Variants in FHOD3 observed in about 807,000 individuals in gnomAD.
The protein encoded by FHOD3 is formin homology 2 domain containing 3.
Under a neutral mutation model 173.0 loss-of-function variants are expected in FHOD3, and 90 were observed. The ratio of observed to expected loss-of-function variants is 0.52; its 90% confidence interval spans 0.44 to 0.62. FHOD3 has a LOEUF of 0.62. Among genes scored for constraint, FHOD3 ranks in the 20% least tolerant of loss-of-function variants. The pLI, the probability that FHOD3 is intolerant of heterozygous loss-of-function variation, is 0.00. For synonymous variants in FHOD3, 828 were observed against 823.0 expected, an observed-to-expected ratio of 1.01 and a Z score of -0.10; for missense variants, 1,945 against 2,034.7, an observed-to-expected ratio of 0.96 and a Z score of 0.85.
At position 36,308,864 on chromosome 18, in the gene FHOD3, G is replaced by A. The variant is rs138198905; in HGVS notation, c.165+10864G>A. Among the ~76,000 whole-genome samples, 7 of 152,308 alleles carry A rather than the reference G, an allele frequency of 4.6e-5. No individual in the cohort carries two copies. In the East Asian group the frequency reaches 1.4e-3, roughly 29 times the overall value. ...GCAGCAATAGGAAAGTGTCTGTAGG[G>A]TGGAGCCTTAGCCTTCAGATCCCTA... is the stretch of plus-strand genomic sequence containing the variant. On this transcript the variant is annotated intron_variant, in intron 1 of 28. Transcript: ENST00000590592.
chr18:36,532,573 C>G (rs1315857939), intron 5 of FHOD3, among the ~76,000 whole-genome samples: 2 of 152,214 alleles, frequency 1.3e-5, no homozygotes, highest in Non-Finnish European at 2.9e-5. Context: ...CCTGTCTACT[C>G]TACTCTTGGC....
chr18:36,696,708 G>C (rs2039303865), intron 17 of FHOD3, among the ~76,000 whole-genome samples: 1 of 152,154 alleles, frequency 6.6e-6, no homozygotes, highest in African/African-American at 2.4e-5. Context: ...GGGCTTAGCA[G>C]ATGTATGTCC....
At chr18:36,670,224 T>C (rs9951987) in intron 14 of FHOD3, among the ~76,000 whole-genome samples, 29 of 152,160 alleles carry the variant, frequency 1.9e-4, no homozygotes, top group African/African-American at 6.8e-4. Flanking sequence ...AGTTTTTTCA[T>C]GTTTCTTACG....
intron 1 of FHOD3, among the ~76,000 whole-genome samples, chr18:36,306,955 T>C (rs77419336): frequency 1.6e-3 from 239 of 152,246 alleles, no homozygotes; most frequent in African/African-American, 5.5e-3. Flanking sequence ...GCCTTTCCTA[T>C]TTTTGAGCTT....
chr18:36,485,542 A>G (rs1311525333), intron 3 of FHOD3, among the ~76,000 whole-genome samples: 1 of 152,184 alleles, frequency 6.6e-6, no homozygotes, highest in East Asian at 1.9e-4. Flanking sequence ...TTCTCTGTGA[A>G]CTGACTCAGA....
intron 1 of FHOD3, among the ~76,000 whole-genome samples, chr18:36,307,188 T>G (rs1029960238): frequency 6.6e-6 from 1 of 152,006 alleles, no homozygotes; most frequent in African/African-American, 2.4e-5. Context: ...GGTCTCGAAT[T>G]CCTGACCTCG....
rs1238822359 is a variant in FHOD3 at position 36,297,783 on chromosome 18, G to T, written c.-53G>T. 1 of 1,440,398 alleles carries T rather than the reference G, an allele frequency of 6.9e-7. No homozygotes were observed. The highest frequency in any genetic ancestry group is 9.2e-7 in the Non-Finnish European group (1 of 1,089,548). 89.2% of individuals were successfully genotyped at this position (1,440,398 alleles called of 1,614,324 possible). A position where few individuals can be genotyped will look rare whatever the true frequency, so the allele number is the denominator to read the frequency against. On this transcript the variant is annotated 5_prime_UTR_variant, in exon 1 of 29. Transcript: ENST00000590592. Reference sequence around the variant, plus strand: ...CTGCGCGCAGCTACCCGGGCGTCCCGGCCCGCGGCCCCGCTAACCCCGGGG... The same window carrying T: ...CTGCGCGCAGCTACCCGGGCGTCCCTGCCCGCGGCCCCGCTAACCCCGGGG...
chr18:36,438,696 C>A (rs1171780190), intron 3 of FHOD3, among the ~76,000 whole-genome samples: 2 of 152,216 alleles, frequency 1.3e-5, no homozygotes, highest in Non-Finnish European at 2.9e-5. Context: ...TGTCTGCTGC[C>A]CCAGTGCTCT....
intron 4 of FHOD3, among the ~76,000 whole-genome samples, chr18:36,502,553 G>T (rs545508558): frequency 6.6e-6 from 1 of 152,258 alleles, no homozygotes; most frequent in East Asian, 1.9e-4. Context: ...CTTCATCCAT[G>T]TCCCTGCAAA....
At chr18:36,694,227 T>C (rs967586813) in intron 17 of FHOD3, among the ~76,000 whole-genome samples, 1 of 152,250 alleles carries the variant, frequency 6.6e-6, no homozygotes, top group Non-Finnish European at 1.5e-5. Context: ...ACTTAGCCAA[T>C]TGAAGACAGC....
intron 19 of FHOD3, among the ~76,000 whole-genome samples, chr18:36,729,087 C>G (rs61589238): frequency 0.015 from 2,237 of 152,328 alleles, 51 homozygotes; most frequent in African/African-American, 0.051. Context: ...CCCTGAGCCC[C>G]TCCACCACCA....
intron 4 of FHOD3, among the ~76,000 whole-genome samples, chr18:36,503,046 A>C (rs374226026): frequency 2.0e-5 from 3 of 152,216 alleles, no homozygotes; most frequent in Admixed American, 6.5e-5. Context: ...TATTGTGGCT[A>C]TGCCCCCTTG....
At chr18:36,489,832 A>G (rs2054375960) in intron 3 of FHOD3, among the ~76,000 whole-genome samples, 1 of 152,210 alleles carries the variant, frequency 6.6e-6, no homozygotes, top group African/African-American at 2.4e-5. Context: ...ATCCCTAATT[A>G]TGGGAAAAGA....
intron 5 of FHOD3, among the ~76,000 whole-genome samples, chr18:36,536,189 C>T (rs2056984556): frequency 6.6e-6 from 1 of 152,162 alleles, no homozygotes; most frequent in Admixed American, 6.5e-5. Flanking sequence ...TGTGGTTTAC[C>T]AACCCTTGAT....
At chr18:36,423,641 G>A (rs2050101542) in intron 3 of FHOD3, among the ~76,000 whole-genome samples, 1 of 152,196 alleles carries the variant, frequency 6.6e-6, no homozygotes, top group South Asian at 2.1e-4. Flanking sequence ...TGAGCATAGT[G>A]TCGAAGCACC....
chr18:36,502,316 G>T (rs2055080361), intron 4 of FHOD3, among the ~76,000 whole-genome samples: 1 of 151,508 alleles, frequency 6.6e-6, no homozygotes, highest in Admixed American at 6.6e-5. Flanking sequence ...TGTTACACAG[G>T]CATACATGTG....
intron 5 of FHOD3, among the ~76,000 whole-genome samples, chr18:36,533,200 A>G (rs1441227170): frequency 1.3e-5 from 2 of 152,268 alleles, no homozygotes; most frequent in Non-Finnish European, 2.9e-5. Flanking sequence ...TCAGAGGCAC[A>G]GTTTCCTCAT....
intron 1 of FHOD3, among the ~76,000 whole-genome samples, chr18:36,306,406 G>A (rs1050837679): frequency 1.3e-5 from 2 of 152,220 alleles, no homozygotes; most frequent in African/African-American, 2.4e-5. Flanking sequence ...GATGTCTGGT[G>A]GGGTGGAGGC....
chr18:36,775,902 T>A (rs2043612558), intron 28 of FHOD3, among the ~76,000 whole-genome samples: 1 of 152,166 alleles, frequency 6.6e-6, no homozygotes, highest in South Asian at 2.1e-4. Flanking sequence ...GGGATAAACA[T>A]TTCCAGTCTG....
Sources: gnomAD v4.1 joint callset for allele counts (sites outside exome capture counted in the v4.1 genomes callset) on GRCh38, gnomAD v4.1.1 for gene constraint, MANE v1.5 for transcripts, NCBI Gene and HGNC (gene_info 2026-07-23, HGNC 2026-07-21) for gene names.